MLLT10: variants seen among roughly 807,000 people sequenced by gnomAD.
The protein encoded by MLLT10 is MLLT10 histone lysine methyltransferase DOT1L cofactor.
MLLT10 carries 30 observed loss-of-function variants against 129.1 expected under a neutral mutation model. The observed-to-expected ratio is 0.23, with a 90% CI of 0.17 to 0.32. The LOEUF (loss-of-function observed/expected upper bound fraction) is 0.32, where lower values mean the gene tolerates loss of function less well. Ranked by LOEUF, MLLT10 falls within the 10% of genes least tolerant of loss-of-function variation. MLLT10 has a pLI of 1.00. For synonymous variants in MLLT10, 490 were observed against 446.4 expected (o/e 1.10, Z -1.23); for missense variants, 1,119 against 1,268.3 (o/e 0.88, Z 1.79).
intron 10 of MLLT10, among the ~76,000 whole-genome samples, chr10:21,671,200 T>C (rs2051364910): frequency 6.6e-6 from 1 of 152,114 alleles, no homozygotes; most frequent in African/African-American, 2.4e-5. Flanking sequence ...TGTATTTTAG[T>C]AGAGATGGGA....
intron 8 of MLLT10, among the ~76,000 whole-genome samples, chr10:21,641,282 T>C (rs1006792385): frequency 1.3e-5 from 2 of 152,152 alleles, no homozygotes; most frequent in Admixed American, 1.3e-4. Context: ...AAAATCCCAC[T>C]CCATATCTCC....
chr10:21,734,679 A>T (rs1441130452), intron 20 of MLLT10, among the ~76,000 whole-genome samples: 1 of 152,220 alleles, frequency 6.6e-6, no homozygotes, highest in Non-Finnish European at 1.5e-5. Context: ...TGCAGTGGGT[A>T]CTAGAAAGCT....
At chr10:21,712,359 A>G (rs967986284) in intron 13 of MLLT10, among the ~76,000 whole-genome samples, 8 of 152,112 alleles carry the variant, frequency 5.3e-5, no homozygotes, top group Non-Finnish European at 1.5e-5. Flanking sequence ...GACTACAGGC[A>G]TGTGCCACCA....
At chr10:21,626,108 C>T (rs2046407169) in intron 8 of MLLT10, 1 of 1,609,358 alleles carries the variant, frequency 6.2e-7, no homozygotes, top group Non-Finnish European at 8.5e-7. Context: ...CACCTAGCTC[C>T]CCTGTTTCTC....
chr10:21,681,191 T>G, intron 11 of MLLT10, 141 bp from the exon 12 acceptor site: 1 of 919,630 alleles, frequency 1.1e-6, no homozygotes. Flanking sequence ...TAGCTTATAA[T>G]TTTTGTTTTT....
intron 14 of MLLT10, among the ~76,000 whole-genome samples, chr10:21,717,634 C>CCTCCTT (rs2056748072): frequency 7.2e-6 from 1 of 138,982 alleles, no homozygotes; most frequent in Non-Finnish European, 1.6e-5. Flanking sequence ...TCCTCCTCCT[C>CCTCCTT]CTCCTTTTCC....
intron 8 of MLLT10, among the ~76,000 whole-genome samples, chr10:21,631,920 GTTTTTTTTTTGGTTTTT>G (rs1377010018): frequency 5.6e-5 from 7 of 125,322 alleles, no homozygotes; most frequent in East Asian, 4.5e-4. Context: ...AACTTGAAGA[GTTTTTTTTTTGGTTTTT>G]TTTTTTTTTT....
intron 13 of MLLT10, among the ~76,000 whole-genome samples, chr10:21,707,337 C>A (rs558335312): frequency 6.6e-6 from 1 of 151,776 alleles, no homozygotes; most frequent in Non-Finnish European, 1.5e-5. Flanking sequence ...GGACTACAGG[C>A]ACGCGCCACC....
intron 6 of MLLT10, among the ~76,000 whole-genome samples, chr10:21,614,569 C>T (rs112005940): frequency 6.6e-6 from 1 of 152,054 alleles, no homozygotes. Flanking sequence ...AGACATAAAA[C>T]ATGTGTACAT....
chr10:21,703,472 A>G (rs943909398), intron 13 of MLLT10, among the ~76,000 whole-genome samples: 12 of 152,014 alleles, frequency 7.9e-5, no homozygotes, highest in Admixed American at 7.9e-4. Context: ...TGCCGTAGAG[A>G]AGACCTTTTT....
At chr10:21,649,249 A>T (rs1022932670) in intron 8 of MLLT10, among the ~76,000 whole-genome samples, 4 of 151,470 alleles carry the variant, frequency 2.6e-5, no homozygotes, top group Admixed American at 1.3e-4. Flanking sequence ...CTAATTTTTT[A>T]TTTTTTTTGT....
intron 13 of MLLT10, among the ~76,000 whole-genome samples, chr10:21,704,823 A>T (rs1018992750): frequency 5.9e-5 from 9 of 152,130 alleles, no homozygotes; most frequent in Non-Finnish European, 4.4e-5. Context: ...TATTTGGCTT[A>T]AACAGTATCA....
intron 3 of MLLT10, among the ~76,000 whole-genome samples, chr10:21,551,075 C>T (rs773970384): frequency 7.9e-5 from 12 of 151,410 alleles, no homozygotes; most frequent in African/African-American, 2.7e-4. Context: ...TACAGGCACG[C>T]GCCACCACGC....
intron 8 of MLLT10, chr10:21,625,636 T>C: frequency 1.3e-6 from 1 of 759,104 alleles, no homozygotes; most frequent in South Asian, 1.4e-5. Context: ...CCAAACCCTC[T>C]GTGACTTTAC....
rs750433275 is a variant in MLLT10 at position 21,717,909 on chromosome 10, CCTT to C, written c.1878+3962_1878+3964del. Among the ~76,000 whole-genome samples, 12 of 144,416 alleles carry C rather than the reference CCTT, an allele frequency of 8.3e-5. No homozygotes were observed. The East Asian group carries it at 2.0e-3, about 25-fold the overall frequency. 94.7% of individuals were successfully genotyped at this position (144,416 alleles called of 152,430 possible). A position where few individuals can be genotyped will look rare whatever the true frequency, so the allele number is the denominator to read the frequency against. On this transcript the variant is annotated intron_variant, in intron 14 of 22. Coordinates refer to ENST00000307729, the MANE Select transcript of MLLT10 (RefSeq NM_001195626.3). The stretch of plus-strand genomic sequence containing the variant: ...TCCTTCTCCTCCTCCTCCTCCTCCT[CCTT>C]CTCCTTCTCCTTCTTCTTCTCCTTC...
intron 13 of MLLT10, among the ~76,000 whole-genome samples, chr10:21,689,551 ATATATATATATATG>A (rs1422272168): frequency 5.9e-5 from 6 of 102,120 alleles, no homozygotes; most frequent in African/African-American, 2.4e-4. Context: ...AAAGTAATAT[ATATATATATATATG>A]TATATATATA....
intron 21 of MLLT10, among the ~76,000 whole-genome samples, chr10:21,737,545 T>C (rs887636531): frequency 1.1e-4 from 17 of 152,024 alleles, no homozygotes; most frequent in African/African-American, 3.9e-4. Context: ...ATGTGGAGGG[T>C]TGAAGCAATC....
chr10:21,740,667 C>G (rs969344055), intron 22 of MLLT10, among the ~76,000 whole-genome samples: 12 of 152,180 alleles, frequency 7.9e-5, no homozygotes, highest in Admixed American at 2.6e-4. Context: ...TCCAATAATT[C>G]TACCAGATTA....
At chr10:21,660,441 C>A (rs1000642463) in intron 9 of MLLT10, among the ~76,000 whole-genome samples, 21 of 150,866 alleles carry the variant, frequency 1.4e-4, no homozygotes, top group African/African-American at 4.9e-4. Flanking sequence ...CATGGAGAAA[C>A]TCTTTCTGTA....
Sources: allele counts gnomAD v4.1 joint callset (sites outside exome capture counted in the v4.1 genomes callset), GRCh38; gene constraint gnomAD v4.1.1; transcripts MANE v1.5; gene names NCBI Gene and HGNC (gene_info 2026-07-23, HGNC 2026-07-21).